KLHL20: variants seen among roughly 807,000 people sequenced by gnomAD.
KLHL20 encodes kelch-like protein 20.
KLHL20 carries 29 observed loss-of-function variants against 69.5 expected under a neutral mutation model. The ratio of observed to expected loss-of-function variants is 0.42; its 90% CI spans 0.31 to 0.57. The LOEUF (loss-of-function observed/expected upper bound fraction) is 0.57. Ranked by LOEUF, KLHL20 falls within the 20% of genes least tolerant of loss-of-function variation. The pLI, the probability that KLHL20 is intolerant of heterozygous loss-of-function variation, is 0.18. For synonymous variants in KLHL20, 253 were observed against 265.2 expected (o/e 0.95, Z 0.45); for missense variants, 419 against 776.0 (o/e 0.54, Z 5.47).
rs191200706 is a variant in KLHL20, at chr1:173,762,952, G to T, written c.1152-3194G>T. On this transcript the variant is annotated intron_variant, in intron 7 of 11. Coordinates refer to ENST00000209884, the MANE Select transcript of KLHL20 (RefSeq NM_014458.4). Reference sequence around the variant, plus strand: ...AGTCATACTGTCACTGTTTGCTGATGATATGATTGTTTACCTTGAAAATCC... The same window carrying T: ...AGTCATACTGTCACTGTTTGCTGATTATATGATTGTTTACCTTGAAAATCC... Among the ~76,000 whole-genome samples the T allele has an allele frequency of 1.8e-4, 28 of 152,160 alleles. No homozygotes were observed. The East Asian group carries it at 5.4e-3, about 29-fold the overall frequency.
intron 8 of KLHL20, among the ~76,000 whole-genome samples, chr1:173,768,478 G>A (rs1186252017): frequency 1.3e-5 from 2 of 152,086 alleles, no homozygotes; most frequent in Admixed American, 1.3e-4. Flanking sequence ...AAAATAGAAG[G>A]TAACTCTTGA....
At chr1:173,735,559 A>G (rs973022337) in intron 3 of KLHL20, among the ~76,000 whole-genome samples, 20 of 152,274 alleles carry the variant, frequency 1.3e-4, no homozygotes, top group African/African-American at 4.6e-4. Flanking sequence ...TTAAAAAATC[A>G]TATTTTTATT....
At chr1:173,775,903 A>T in intron 10 of KLHL20, 61 bp downstream of exon 10, 1 of 1,379,920 alleles carries the variant, frequency 7.2e-7, no homozygotes, top group Non-Finnish European at 1.0e-6. Context: ...TGCTGCAATA[A>T]ACATGGGAGT....
rs1671625054 is a variant in KLHL20 at position 173,719,578 on chromosome 1, C to T, written c.23+3512C>T. Among the ~76,000 whole-genome samples, 3 of 151,650 alleles carry T rather than the reference C, an allele frequency of 2.0e-5. No homozygotes were observed. In the South Asian group the frequency reaches 6.3e-4, roughly 32 times the overall value. Reference sequence around the variant, plus strand: ...AGGTTGCAGTGAGCCAAAATCGTGCCACTGCACTCCAGCCTGATGAAAGCA... The same window carrying T: ...AGGTTGCAGTGAGCCAAAATCGTGCTACTGCACTCCAGCCTGATGAAAGCA... On this transcript the variant is annotated intron_variant, in intron 2 of 11. Coordinates refer to ENST00000209884, the MANE Select transcript of KLHL20 (RefSeq NM_014458.4).
At chr1:173,759,793 T>A (rs922923852) in intron 7 of KLHL20, among the ~76,000 whole-genome samples, 6 of 152,074 alleles carry the variant, frequency 3.9e-5, no homozygotes, top group Admixed American at 6.6e-5. Context: ...AAACCAACCC[T>A]GGTAACATGA....
At chr1:173,717,102 A>G (rs1288006235) in intron 2 of KLHL20, among the ~76,000 whole-genome samples, 2 of 152,226 alleles carry the variant, frequency 1.3e-5, no homozygotes, top group East Asian at 1.9e-4. Context: ...CACAATGTAC[A>G]TGAAAAAATT....
chr1:173,730,668 T>G lies in KLHL20; in HGVS notation c.24-3045T>G, dbSNP rs186692190. ...GTGCTGGGAAAACTGGCTAGCTGTA[T>G]GTAGAAACCTGAAACTGGATCCCTT... On this transcript the variant is annotated intron_variant, in intron 2 of 11. Coordinates refer to ENST00000209884, the MANE Select transcript of KLHL20 (RefSeq NM_014458.4). Among the ~76,000 whole-genome samples the G allele has an allele frequency of 6.6e-4, 100 of 152,348 alleles. 1 individual carries two copies. The highest frequency in any genetic ancestry group is 2.2e-3 in the African/African-American group (91 of 41,582).
chr1:173,716,989 C>T (rs866974911), intron 2 of KLHL20, among the ~76,000 whole-genome samples: 12 of 152,106 alleles, frequency 7.9e-5, no homozygotes, highest in South Asian at 4.1e-4. Context: ...GATTAATGAA[C>T]ATTTGCAAAT....
intron 7 of KLHL20, among the ~76,000 whole-genome samples, chr1:173,763,367 C>G (rs1647444770): frequency 6.6e-6 from 1 of 152,008 alleles, no homozygotes; most frequent in South Asian, 2.1e-4. Context: ...TCATTCTTCA[C>G]AGAATTAGAA....
At chr1:173,722,703 T>TG (rs753809663) in intron 2 of KLHL20, among the ~76,000 whole-genome samples, 11,118 of 150,610 alleles carry the variant, frequency 0.074, 475 homozygotes, top group East Asian at 0.19. Context: ...TTTTTTTTTT[T>TG]GACATAGAGT....
intron 10 of KLHL20, among the ~76,000 whole-genome samples, chr1:173,776,226 GTCT>G (rs1205058875): frequency 4.6e-5 from 7 of 152,108 alleles, no homozygotes; most frequent in African/African-American, 1.4e-4. Flanking sequence ...CTATTTTTAT[GTCT>G]TCTTTGGAGA....
intron 2 of KLHL20, among the ~76,000 whole-genome samples, chr1:173,716,863 G>A (rs1460595386): frequency 1.3e-5 from 2 of 152,184 alleles, no homozygotes; most frequent in East Asian, 3.8e-4. Flanking sequence ...CTTGGAGCAA[G>A]AACCAGAATG....
intron 3 of KLHL20, among the ~76,000 whole-genome samples, chr1:173,739,232 C>T (rs183887389): frequency 3.9e-5 from 6 of 152,188 alleles, no homozygotes; most frequent in African/African-American, 1.4e-4. Flanking sequence ...ACCACCACGC[C>T]CAGCTAATTT....
chr1:173,777,240 T>C (rs1372212664), intron 10 of KLHL20, among the ~76,000 whole-genome samples: 1 of 152,258 alleles, frequency 6.6e-6, no homozygotes. Flanking sequence ...GAAATGCTAC[T>C]GATTTTTATA....
intron 2 of KLHL20, among the ~76,000 whole-genome samples, chr1:173,726,205 A>C (rs1466806639): frequency 6.6e-6 from 1 of 152,006 alleles, no homozygotes; most frequent in East Asian, 1.9e-4. Flanking sequence ...GGGGAGGGGC[A>C]CCCACCATTG....
chr1:173,746,544 A>G (rs554821500), intron 3 of KLHL20, among the ~76,000 whole-genome samples: 51 of 152,238 alleles, frequency 3.4e-4, no homozygotes, highest in Non-Finnish European at 7.1e-4. Flanking sequence ...ATCTGTATAG[A>G]GGTATACAAA....
chr1:173,766,131 G>T lies in KLHL20; in HGVS notation c.1152-15G>T. On this transcript the variant is annotated splice_polypyrimidine_tract_variant and intron_variant, in intron 7 of 11. Transcript: ENST00000209884. Reference sequence around the variant, plus strand: ...TTGTGTAATACAAACTCTCCTCTTGGTATGTTCTTTTCAGGTATGACCCCA... The same window carrying T: ...TTGTGTAATACAAACTCTCCTCTTGTTATGTTCTTTTCAGGTATGACCCCA... 1 of 1,572,546 alleles carries T rather than the reference G, an allele frequency of 6.4e-7. No individual in the cohort carries two copies. Among genetic ancestry groups the T allele is most frequent in the Non-Finnish European group, 8.6e-7 (1 of 1,163,490 alleles).
intron 3 of KLHL20, among the ~76,000 whole-genome samples, chr1:173,749,313 G>A (rs903944718): frequency 3.9e-5 from 6 of 152,194 alleles, no homozygotes; most frequent in Non-Finnish European, 1.5e-5. Context: ...TTAGTCATTC[G>A]TGTTTGTTTT....
intron 10 of KLHL20, chr1:173,781,876 A>C (rs1162883598): frequency 5.8e-6 from 2 of 346,964 alleles, no homozygotes; most frequent in East Asian, 1.2e-4. Context: ...ACTTCTAGTG[A>C]ACAGTTTTTC....
Sources: allele counts gnomAD v4.1 joint callset (sites outside exome capture counted in the v4.1 genomes callset), GRCh38; gene constraint gnomAD v4.1.1; transcripts MANE v1.5; gene names NCBI Gene and HGNC (gene_info 2026-07-23, HGNC 2026-07-21).